PPP3CA: variants seen among roughly 807,000 people sequenced by gnomAD.
The protein encoded by PPP3CA is protein phosphatase 3 catalytic subunit alpha.
PPP3CA carries 14 observed loss-of-function variants against 66.5 expected under a neutral mutation model. The observed-to-expected ratio is 0.21, with a 90% CI of 0.14 to 0.33. PPP3CA has a LOEUF of 0.33. Ranked by LOEUF, PPP3CA falls within the 10% of genes least tolerant of loss-of-function variation. The pLI is 1.00. For synonymous variants in PPP3CA, 232 were observed against 226.2 expected (o/e 1.03, Z -0.23); for missense variants, 317 against 639.5 (o/e 0.50, Z 5.44).
At chr4:101,261,328 T>C (rs924882036) in intron 1 of PPP3CA, among the ~76,000 whole-genome samples, 10 of 152,070 alleles carry the variant, frequency 6.6e-5, no homozygotes, top group Admixed American at 2.6e-4. Flanking sequence ...TATGGTATTG[T>C]AGAAAATACC....
At chr4:101,061,198 T>G (rs1483365638) in intron 9 of PPP3CA, 37 bp from the exon 10 acceptor site, 2 of 1,554,688 alleles carry the variant, frequency 1.3e-6, no homozygotes, top group Admixed American at 3.4e-5. Flanking sequence ...AGTCAGGGTT[T>G]TCTGTTATAA....
intron 8 of PPP3CA, among the ~76,000 whole-genome samples, chr4:101,078,040 G>A (rs941822034): frequency 6.6e-6 from 1 of 151,862 alleles, no homozygotes; most frequent in African/African-American, 2.4e-5. Flanking sequence ...AGAAACTGTT[G>A]GGAAACTTCT....
intron 8 of PPP3CA, among the ~76,000 whole-genome samples, chr4:101,069,596 G>C (rs1041704424): frequency 6.6e-6 from 1 of 152,174 alleles, no homozygotes; most frequent in African/African-American, 2.4e-5. Context: ...GTGTGCATGT[G>C]TGTGTACTGT....
At chr4:101,312,117 C>T (rs1728741079) in intron 1 of PPP3CA, among the ~76,000 whole-genome samples, 1 of 152,026 alleles carries the variant, frequency 6.6e-6, no homozygotes, top group South Asian at 2.1e-4. Flanking sequence ...AAAAGACAAT[C>T]AGGAGTCAAT....
rs528671481 is a variant in PPP3CA, at chr4:101,228,570, A to T, written c.59-32454T>A. ...CTCATTCAGTTCTTGAGAAATCACA[A>T]CAAAATATCTCCATGCATATTTAGG... On this transcript the variant is annotated intron_variant, in intron 1 of 13. Transcript: ENST00000394854. 4.6e-5 allele frequency among the ~76,000 whole-genome samples: 7 copies of T among 151,718 alleles called. No individual in the cohort carries two copies. In the South Asian group the frequency reaches 1.4e-3, roughly 31 times the overall value.
At chr4:101,032,573 T>G (rs972919655) in intron 11 of PPP3CA, among the ~76,000 whole-genome samples, 1 of 152,192 alleles carries the variant, frequency 6.6e-6, no homozygotes, top group African/African-American at 2.4e-5. Context: ...ACCATAAAGT[T>G]TACATTATCC....
intron 1 of PPP3CA, among the ~76,000 whole-genome samples, chr4:101,216,633 G>C (rs1177800339): frequency 6.6e-6 from 1 of 151,992 alleles, no homozygotes; most frequent in African/African-American, 2.4e-5. Context: ...GACCTCCCCA[G>C]TGCAGGTGAT....
chr4:101,147,424 G>T (rs1378502270), intron 2 of PPP3CA, among the ~76,000 whole-genome samples: 2 of 152,080 alleles, frequency 1.3e-5, no homozygotes, highest in African/African-American at 4.8e-5. Flanking sequence ...TATGATCAAA[G>T]AATTGAAAAG....
intron 1 of PPP3CA, among the ~76,000 whole-genome samples, chr4:101,343,275 G>T (rs1035443261): frequency 6.6e-6 from 1 of 152,130 alleles, no homozygotes; most frequent in African/African-American, 2.4e-5. Context: ...ATCACATAGG[G>T]TTTAATTTCC....
chr4:101,089,740 G>A (rs1037018080), intron 6 of PPP3CA, among the ~76,000 whole-genome samples: 18 of 152,086 alleles, frequency 1.2e-4, no homozygotes, highest in Admixed American at 2.0e-4. Context: ...TCAACTATCT[G>A]CCTGAACATT....
chr4:101,053,446 C>CT (rs1382330358), intron 10 of PPP3CA, among the ~76,000 whole-genome samples: 2 of 152,130 alleles, frequency 1.3e-5, no homozygotes, highest in Non-Finnish European at 2.9e-5. Flanking sequence ...TCATCTCCAG[C>CT]TTTAACAGTG....
intron 2 of PPP3CA, among the ~76,000 whole-genome samples, chr4:101,120,025 G>T (rs1291832301): frequency 6.6e-6 from 1 of 151,990 alleles, no homozygotes; most frequent in Non-Finnish European, 1.5e-5. Flanking sequence ...ATTTGAAAAG[G>T]TTCATTTAAA....
At chr4:101,289,049 T>TA (rs34109685) in intron 1 of PPP3CA, among the ~76,000 whole-genome samples, 11,537 of 151,908 alleles carry the variant, frequency 0.076, 1,460 homozygotes, top group African/African-American at 0.26. Context: ...GTTTCAATTT[T>TA]AAAAAAAAGA....
chr4:101,230,706 C>T (rs1725933262), intron 1 of PPP3CA, among the ~76,000 whole-genome samples: 1 of 151,620 alleles, frequency 6.6e-6, no homozygotes, highest in Admixed American at 6.6e-5. Flanking sequence ...CTGTGTCTTC[C>T]TTCTGCCTGC....
intron 1 of PPP3CA, among the ~76,000 whole-genome samples, chr4:101,272,140 A>G (rs1020819734): frequency 1.3e-5 from 2 of 152,194 alleles, no homozygotes; most frequent in African/African-American, 4.8e-5. Flanking sequence ...TTCTAGGTTT[A>G]TCTCCTCCAC....
chr4:101,146,994 A>G (rs899520244), intron 2 of PPP3CA, among the ~76,000 whole-genome samples: 8 of 152,140 alleles, frequency 5.3e-5, no homozygotes, highest in Non-Finnish European at 8.8e-5. Context: ...TATCTCATTT[A>G]ATTTGTATAA....
chr4:101,264,851 G>A (rs910465391), intron 1 of PPP3CA, among the ~76,000 whole-genome samples: 5 of 152,120 alleles, frequency 3.3e-5, no homozygotes, highest in African/African-American at 1.2e-4. Context: ...TAGAGTTCTG[G>A]TGATATATGC....
intron 1 of PPP3CA, among the ~76,000 whole-genome samples, chr4:101,270,859 T>C (rs986249846): frequency 3.3e-5 from 5 of 152,212 alleles, no homozygotes; most frequent in Non-Finnish European, 7.4e-5. Context: ...CCAAAGTAGA[T>C]TAAATACAGT....
chr4:101,090,734 T>A (rs1729881815), intron 6 of PPP3CA, among the ~76,000 whole-genome samples: 1 of 151,046 alleles, frequency 6.6e-6, no homozygotes, highest in Non-Finnish European at 1.5e-5. Flanking sequence ...TCTCTGATTA[T>A]CCTCTATTAT....
Sources: gnomAD v4.1 joint callset for allele counts (sites outside exome capture counted in the v4.1 genomes callset) on GRCh38, gnomAD v4.1.1 for gene constraint, MANE v1.5 for transcripts, NCBI Gene and HGNC (gene_info 2026-07-23, HGNC 2026-07-21) for gene names.